The following RASGRF2 variants were observed in gnomAD, a reference collection of about 807,000 sequenced individuals.
RASGRF2 encodes ras-specific guanine nucleotide-releasing factor 2.
In RASGRF2, 76 loss-of-function variants were observed where a neutral mutation model predicts 151.0. That is an observed-to-expected ratio of 0.50 (90% CI 0.42 to 0.61). The LOEUF (loss-of-function observed/expected upper bound fraction) is 0.61, where lower values mean the gene tolerates loss of function less well. RASGRF2 is among the 20% of genes least tolerant of loss of function. RASGRF2 has a pLI of 0.00. For missense variants in RASGRF2, 1,148 were observed against 1,564.6 expected, an observed-to-expected ratio of 0.73 and a Z score of 4.49; for synonymous variants, 504 against 566.5, an observed-to-expected ratio of 0.89 and a Z score of 1.57.
chr5:81,181,105 T>A, intron 18 of RASGRF2, among the ~76,000 whole-genome samples: 1 of 152,154 alleles, frequency 6.6e-6, no homozygotes, highest in East Asian at 1.9e-4. Context: ...TATAATCAAA[T>A]TGTCAGTCTG....
intron 1 of RASGRF2, among the ~76,000 whole-genome samples, chr5:80,971,976 C>T (rs777533687): frequency 4.0e-5 from 6 of 150,754 alleles, no homozygotes; most frequent in Non-Finnish European, 8.9e-5. Flanking sequence ...CTTAAGTGAT[C>T]CTCCCACCTT....
intron 1 of RASGRF2, among the ~76,000 whole-genome samples, chr5:81,035,756 G>A (rs1170390490): frequency 1.3e-5 from 2 of 152,136 alleles, no homozygotes; most frequent in Non-Finnish European, 2.9e-5. Context: ...AAATACGAAT[G>A]TAAAGGTGTT....
chr5:81,139,970 G>A (rs1202721781), intron 17 of RASGRF2, among the ~76,000 whole-genome samples: 1 of 152,056 alleles, frequency 6.6e-6, no homozygotes, highest in African/African-American at 2.4e-5. Context: ...TGGTACTATA[G>A]TTATGCACCA....
chr5:81,043,993 T>C (rs1223394286), intron 2 of RASGRF2, among the ~76,000 whole-genome samples: 1 of 152,212 alleles, frequency 6.6e-6, no homozygotes, highest in Admixed American at 6.5e-5. Context: ...GTGTTAGATT[T>C]CTGTTTCCTG....
intron 12 of RASGRF2, among the ~76,000 whole-genome samples, chr5:81,101,652 A>G (rs1752702517): frequency 1.3e-5 from 2 of 151,904 alleles, no homozygotes; most frequent in South Asian, 4.2e-4. Context: ...CTCTCTCTCC[A>G]TCCATGCATC....
intron 2 of RASGRF2, among the ~76,000 whole-genome samples, chr5:81,067,065 C>A (rs1751629355): frequency 1.3e-5 from 2 of 152,184 alleles, no homozygotes; most frequent in Admixed American, 6.5e-5. Flanking sequence ...TGAATCCCAG[C>A]CCTGCTACCT....
intron 23 of RASGRF2, among the ~76,000 whole-genome samples, chr5:81,213,017 C>A (rs1474111363): frequency 6.6e-6 from 1 of 152,196 alleles, no homozygotes; most frequent in East Asian, 1.9e-4. Flanking sequence ...TGCAGAAATA[C>A]AATTTTCATT....
At chr5:80,996,505 C>T (rs500504) in intron 1 of RASGRF2, among the ~76,000 whole-genome samples, 16,452 of 47,226 alleles carry the variant, frequency 0.35, 2,196 homozygotes, top group Middle Eastern at 0.43. Context: ...CTTCTTCTTC[C>T]TCCTCCTCCT....
At chr5:81,183,244 T>C in intron 18 of RASGRF2, 1 of 979,510 alleles carries the variant, frequency 1.0e-6, no homozygotes, top group Non-Finnish European at 1.2e-6. Flanking sequence ...GATGTAGATT[T>C]ACCCACAGAT....
intron 5 of RASGRF2, among the ~76,000 whole-genome samples, chr5:81,076,193 T>C (rs1751932143): frequency 6.6e-6 from 1 of 152,024 alleles, no homozygotes; most frequent in Admixed American, 6.6e-5. Context: ...GGGAAGAGGA[T>C]TTCAAAAGGG....
At chr5:81,204,896 G>C (rs910121127) in intron 19 of RASGRF2, among the ~76,000 whole-genome samples, 5 of 152,128 alleles carry the variant, frequency 3.3e-5, no homozygotes, top group African/African-American at 1.2e-4. Flanking sequence ...CTAACTTTTT[G>C]ACTTTTTCTT....
At chr5:81,101,798 C>A (rs1752706211) in intron 12 of RASGRF2, among the ~76,000 whole-genome samples, 1 of 152,166 alleles carries the variant, frequency 6.6e-6, no homozygotes, top group African/African-American at 2.4e-5. Flanking sequence ...TTTTGTTCTC[C>A]TGAAACTTGA....
intron 17 of RASGRF2, among the ~76,000 whole-genome samples, chr5:81,178,117 G>A (rs1754815840): frequency 6.6e-6 from 1 of 152,218 alleles, no homozygotes; most frequent in Non-Finnish European, 1.5e-5. Context: ...AGGCAAGAGT[G>A]ACAGTAGAGA....
At chr5:81,017,867 G>A (rs1286678091) in intron 1 of RASGRF2, among the ~76,000 whole-genome samples, 1 of 151,338 alleles carries the variant, frequency 6.6e-6, no homozygotes, top group Non-Finnish European at 1.5e-5. Flanking sequence ...GGAGGCCGAG[G>A]CAGGTGGATC....
At chr5:81,221,929 A>G (rs927705914) in intron 26 of RASGRF2, among the ~76,000 whole-genome samples, 2 of 152,170 alleles carry the variant, frequency 1.3e-5, no homozygotes, top group African/African-American at 4.8e-5. Flanking sequence ...GTGAGCCAAG[A>G]TTGTGCCATT....
Position 81,201,437 on chromosome 5 carries a change from C to T in RASGRF2, c.2901C>T (p.Ile967=). 1.2e-6 allele frequency: 2 copies of T among 1,613,284 alleles called. No homozygotes were observed. The highest frequency in any genetic ancestry group is 1.7e-6 in the Non-Finnish European group (2 of 1,179,768). Residue 967 remains isoleucine, a synonymous_variant, in exon 19 of 27, where the codon ATC becomes ATT. Transcript: ENST00000265080. ...LPQERKAAAN[I]LRALSQDDQD... is the part of the protein sequence containing the mutation. The stretch of plus-strand genomic sequence containing the variant: ...AAGAAAGGAAAGCCGCCGCGAATAT[C>T]CTCAGGTGAAGGCAGCTGAAGATGC...
At chr5:81,005,792 C>T (rs1017594600) in intron 1 of RASGRF2, among the ~76,000 whole-genome samples, 12 of 152,062 alleles carry the variant, frequency 7.9e-5, no homozygotes, top group African/African-American at 2.7e-4. Context: ...ACTTTTTTTC[C>T]TTTCTATCTG....
At chr5:81,086,214 T>A (rs1169532624) in intron 8 of RASGRF2, among the ~76,000 whole-genome samples, 1 of 150,896 alleles carries the variant, frequency 6.6e-6, no homozygotes. Flanking sequence ...AAAAAAAAAA[T>A]GATAGCCAGG....
chr5:81,094,705 G>A (rs1251682179), intron 11 of RASGRF2, 151 bp from the exon 12 acceptor site: 3 of 778,794 alleles, frequency 3.9e-6, no homozygotes, highest in Non-Finnish European at 5.9e-6. Flanking sequence ...GCTTAATAAA[G>A]CCCTCTTCAT....
Sources: allele counts gnomAD v4.1 joint callset (sites outside exome capture counted in the v4.1 genomes callset), GRCh38; gene constraint gnomAD v4.1.1; transcripts MANE v1.5; gene names NCBI Gene and HGNC (gene_info 2026-07-23, HGNC 2026-07-21).